The following EXOC4 variants were observed in gnomAD, a reference collection of about 807,000 sequenced individuals.
EXOC4 encodes the protein exocyst complex component 4.
A neutral mutation model predicts 107.2 loss-of-function variants in EXOC4; 71 were observed. The ratio of observed to expected loss-of-function variants is 0.66; its 90% CI spans 0.55 to 0.81. EXOC4 has a LOEUF of 0.81. EXOC4 is among the 30% of genes least tolerant of loss of function. EXOC4 has a pLI of 0.00. For synonymous variants in EXOC4, 456 were observed against 441.2 expected (o/e 1.03, Z -0.42); for missense variants, 1,108 against 1,189.6 (o/e 0.93, Z 1.01).
intron 7 of EXOC4, among the ~76,000 whole-genome samples, chr7:133,391,149 C>G (rs1395757938): frequency 6.6e-6 from 1 of 152,114 alleles, no homozygotes; most frequent in Non-Finnish European, 1.5e-5. Flanking sequence ...TGACTAGCCA[C>G]CTGAAAGTTG....
At chr7:133,714,009 G>C (rs1419847326) in intron 10 of EXOC4, among the ~76,000 whole-genome samples, 2 of 152,148 alleles carry the variant, frequency 1.3e-5, no homozygotes, top group African/African-American at 4.8e-5. Context: ...AAATATGGCG[G>C]GGAATTTGGT....
intron 10 of EXOC4, among the ~76,000 whole-genome samples, chr7:133,788,659 A>G (rs1796640999): frequency 6.6e-6 from 1 of 152,012 alleles, no homozygotes; most frequent in Admixed American, 6.6e-5. Flanking sequence ...CGCCTGGCTA[A>G]TTTTTATGTT....
chr7:133,642,570 C>T (rs1001453427), intron 10 of EXOC4, among the ~76,000 whole-genome samples: 7 of 152,164 alleles, frequency 4.6e-5, no homozygotes, highest in African/African-American at 1.7e-4. Flanking sequence ...TATCCATTCC[C>T]TGCTTTTGAT....
At chr7:134,040,145 T>A (rs1448983741) in intron 17 of EXOC4, among the ~76,000 whole-genome samples, 1 of 152,220 alleles carries the variant, frequency 6.6e-6, no homozygotes, top group Non-Finnish European at 1.5e-5. Flanking sequence ...TGTCTCTTGG[T>A]CTCTTCCCTT....
intron 9 of EXOC4, among the ~76,000 whole-genome samples, chr7:133,552,391 G>T (rs888655383): frequency 6.6e-6 from 1 of 152,102 alleles, no homozygotes; most frequent in Non-Finnish European, 1.5e-5. Context: ...CTGCTGTCAC[G>T]CAAAAACAAA....
intron 10 of EXOC4, among the ~76,000 whole-genome samples, chr7:133,692,099 G>A (rs776049901): frequency 3.3e-5 from 5 of 152,148 alleles, no homozygotes; most frequent in Non-Finnish European, 7.4e-5. Context: ...AGGCTATGGA[G>A]TATGTCTGTG....
intron 9 of EXOC4, among the ~76,000 whole-genome samples, chr7:133,545,633 T>G (rs1375864044): frequency 6.6e-6 from 1 of 152,226 alleles, no homozygotes; most frequent in East Asian, 1.9e-4. Context: ...ATTCTCTTTA[T>G]CATTCACTTG....
intron 11 of EXOC4, among the ~76,000 whole-genome samples, chr7:133,880,055 C>A (rs1277013490): frequency 6.6e-6 from 1 of 152,194 alleles, no homozygotes; most frequent in Non-Finnish European, 1.5e-5. Context: ...TCACTTACAC[C>A]TTTTCCCTTG....
chr7:133,594,493 C>CTTTTTTTTTT (rs532692119), intron 9 of EXOC4, among the ~76,000 whole-genome samples: 40,214 of 89,576 alleles, frequency 0.45, 13,302 homozygotes, highest in Non-Finnish European at 0.52. Flanking sequence ...AAGCTTGAGT[C>CTTTTTTTTTT]TTTTTTTTTT....
intron 5 of EXOC4, among the ~76,000 whole-genome samples, chr7:133,354,117 C>G (rs1317442857): frequency 6.6e-6 from 1 of 151,600 alleles, no homozygotes; most frequent in Non-Finnish European, 1.5e-5. Flanking sequence ...CTTAATATAT[C>G]TACCATTAAG....
intron 9 of EXOC4, among the ~76,000 whole-genome samples, chr7:133,502,524 G>T (rs1799593986): frequency 6.6e-6 from 1 of 152,032 alleles, no homozygotes. Context: ...ATGCTAATTT[G>T]CTTTTTTGTG....
At chr7:133,722,705 G>A (rs1795130128) in intron 10 of EXOC4, among the ~76,000 whole-genome samples, 1 of 152,168 alleles carries the variant, frequency 6.6e-6, no homozygotes, top group African/African-American at 2.4e-5. Flanking sequence ...GTCTTCTGCT[G>A]TGAAAATCAA....
intron 11 of EXOC4, among the ~76,000 whole-genome samples, chr7:133,825,258 G>A (rs942040184): frequency 6.6e-6 from 1 of 152,086 alleles, no homozygotes; most frequent in Admixed American, 6.5e-5. Context: ...TACTCGGGAG[G>A]CTGAGGCAGG....
At chr7:133,310,611 C>T (rs952084831) in intron 4 of EXOC4, among the ~76,000 whole-genome samples, 3 of 152,198 alleles carry the variant, frequency 2.0e-5, no homozygotes, top group Non-Finnish European at 4.4e-5. Context: ...TAGGAACCAA[C>T]GGAGATTAAG....
In EXOC4 at chr7:133,981,974, G is replaced by A. The variant is rs142664007; in HGVS notation, c.2207-15518G>A. On this transcript the variant is annotated intron_variant, in intron 14 of 17. Transcript: ENST00000253861. The stretch of plus-strand genomic sequence containing the variant: ...TGATGGAACATGGATGGATCTGCAG[G>A]CCATTATCTTTAGCAAAGTAATGCA... Among the ~76,000 whole-genome samples, 658 of 152,194 alleles carry A rather than the reference G, an allele frequency of 4.3e-3. 3 individuals are homozygous for A. The highest frequency in any genetic ancestry group is 6.5e-3 in the Non-Finnish European group (445 of 67,990).
chr7:133,488,743 A>G (rs1167820424), intron 9 of EXOC4, among the ~76,000 whole-genome samples: 2 of 152,084 alleles, frequency 1.3e-5, no homozygotes, highest in African/African-American at 4.8e-5. Context: ...TCAAATGCCC[A>G]TAGAAAGAAG....
At chr7:133,532,192 C>G (rs1216009946) in intron 9 of EXOC4, among the ~76,000 whole-genome samples, 1 of 151,976 alleles carries the variant, frequency 6.6e-6, no homozygotes, top group Non-Finnish European at 1.5e-5. Context: ...CTTACTATTT[C>G]TAATGTTGGG....
chr7:133,787,949 ATATATT>A (rs1472996546), intron 10 of EXOC4, among the ~76,000 whole-genome samples: 1 of 13,006 alleles, frequency 7.7e-5, no homozygotes, highest in African/African-American at 1.5e-4. Flanking sequence ...TTCCCTGTGC[ATATATT>A]TATATATTTA....
intron 3 of EXOC4, among the ~76,000 whole-genome samples, chr7:133,303,076 T>A (rs2150564432): frequency 6.6e-6 from 1 of 152,380 alleles, no homozygotes; most frequent in South Asian, 2.1e-4. Flanking sequence ...TTGGGTTGAC[T>A]GCTGCCTCAC....
Sources: allele counts gnomAD v4.1 joint callset (sites outside exome capture counted in the v4.1 genomes callset), GRCh38; gene constraint gnomAD v4.1.1; transcripts MANE v1.5; gene names NCBI Gene and HGNC (gene_info 2026-07-23, HGNC 2026-07-21).